SORCS2: variants seen among roughly 807,000 people sequenced by gnomAD.
The protein encoded by SORCS2 is VPS10 domain-containing receptor SorCS2.
In SORCS2, 100 loss-of-function variants were observed where a neutral mutation model predicts 141.6. That is an observed-to-expected ratio of 0.71 (90% CI 0.60 to 0.83). The LOEUF is 0.83. SORCS2 is among the 40% of genes least tolerant of loss of function. The pLI is 0.00. For synonymous variants in SORCS2, 789 were observed against 676.9 expected, an observed-to-expected ratio of 1.17 and a Z score of -2.57; for missense variants, 1,646 against 1,560.2, an observed-to-expected ratio of 1.05 and a Z score of -0.93.
At chr4:7,382,539 G>C (rs535631795) in intron 1 of SORCS2, among the ~76,000 whole-genome samples, 1 of 152,250 alleles carries the variant, frequency 6.6e-6, no homozygotes, top group East Asian at 1.9e-4. Context: ...CCATAGATTG[G>C]GTCCCAGACT....
chr4:7,290,490 A>G (rs1490881229), intron 1 of SORCS2, among the ~76,000 whole-genome samples: 1 of 152,042 alleles, frequency 6.6e-6, no homozygotes, highest in Admixed American at 6.5e-5. Flanking sequence ...TCCCTTCCCC[A>G]TGCTGCCAAC....
chr4:7,557,863 G>A (rs899750285), intron 3 of SORCS2, among the ~76,000 whole-genome samples: 8 of 152,154 alleles, frequency 5.3e-5, no homozygotes, highest in African/African-American at 1.7e-4. Flanking sequence ...CTGCACCCAC[G>A]TTCCAAATGA....
Position 7,255,161 on chromosome 4 carries a change from G to A in SORCS2, c.480+62035G>A, listed in dbSNP as rs570707524. On this transcript the variant is annotated intron_variant, in intron 1 of 26. Transcript: ENST00000507866. ...CCATTCACTCAGCAAGGCACTGAGC[G>A]GTCAGGTCAGGTTCCTGCCCTAGCG... 1.8e-3 allele frequency among the ~76,000 whole-genome samples: 269 copies of A among 152,028 alleles called. 1 individual carries two copies. Among genetic ancestry groups the A allele is most frequent in the African/African-American group, 6.0e-3 (249 of 41,482 alleles).
chr4:7,653,667 G>C (rs115809289), intron 4 of SORCS2, among the ~76,000 whole-genome samples: 2,532 of 152,274 alleles, frequency 0.017, 75 homozygotes, highest in African/African-American at 0.057. Context: ...GCTGGCCCTG[G>C]TGTCAGGCCC....
chr4:7,486,613 C>A (rs1449391770), intron 2 of SORCS2, among the ~76,000 whole-genome samples: 1 of 152,198 alleles, frequency 6.6e-6, no homozygotes, highest in Non-Finnish European at 1.5e-5. Flanking sequence ...CTGACTGCTT[C>A]AAACAGTAGA....
chr4:7,227,973 G>A (rs938130560), intron 1 of SORCS2, among the ~76,000 whole-genome samples: 9 of 152,208 alleles, frequency 5.9e-5, no homozygotes, highest in African/African-American at 2.2e-4. Flanking sequence ...GGCGGGAGCT[G>A]AGGATGACTG....
chr4:7,242,154 G>C (rs894169995), intron 1 of SORCS2, among the ~76,000 whole-genome samples: 3 of 152,164 alleles, frequency 2.0e-5, no homozygotes, highest in Non-Finnish European at 4.4e-5. Flanking sequence ...AAGCGGCTGC[G>C]TGAGAGTCAC....
intron 3 of SORCS2, among the ~76,000 whole-genome samples, chr4:7,582,031 G>T (rs1232739858): frequency 6.6e-6 from 1 of 151,880 alleles, no homozygotes; most frequent in African/African-American, 2.4e-5. Flanking sequence ...CATTTTAATG[G>T]CTTCAAAATA....
At chr4:7,658,957 G>A (rs946052945) in intron 5 of SORCS2, among the ~76,000 whole-genome samples, 4 of 152,246 alleles carry the variant, frequency 2.6e-5, no homozygotes, top group African/African-American at 7.2e-5. Flanking sequence ...ATACCAGGAA[G>A]TGACTTCCTC....
At position 7,715,324 on chromosome 4, in the gene SORCS2, G is replaced by A. The variant is rs1208983562; in HGVS notation, c.2252+13G>A. On this transcript the variant is annotated intron_variant, in intron 17 of 26. Coordinates refer to ENST00000507866, the MANE Select transcript of SORCS2 (RefSeq NM_020777.3). ...CCAGCAGCCTTGGGTGAGTGTGGGT[G>A]CGGGCCTCTCCCTGCCTAAATCCGG... The A allele has an allele frequency of 6.2e-7, 1 of 1,613,338 alleles. No homozygotes were observed.
intron 1 of SORCS2, among the ~76,000 whole-genome samples, chr4:7,383,462 G>T (rs566406714): frequency 2.0e-5 from 3 of 152,322 alleles, no homozygotes; most frequent in Admixed American, 1.3e-4. Context: ...TTTCTAAAGA[G>T]AAATTCTTGG....
At chr4:7,436,137 C>T (rs982331030) in intron 2 of SORCS2, among the ~76,000 whole-genome samples, 2 of 152,214 alleles carry the variant, frequency 1.3e-5, no homozygotes, top group Non-Finnish European at 2.9e-5. Context: ...ACTCTGGTTG[C>T]TGGGGACCAG....
In SORCS2 at chr4:7,470,225, C is replaced by T. The variant is rs7664716; in HGVS notation, c.549-61305C>T. On this transcript the variant is annotated intron_variant, in intron 2 of 26. Transcript: ENST00000507866. ...TCCATCCTCTCATCCTCCCATCCCT[C>T]GGTCCATCCACCCATCCATCCTCCC... Among the ~76,000 whole-genome samples, 920 of 151,532 alleles carry T rather than the reference C, an allele frequency of 6.1e-3. 10 individuals carry two copies. The highest frequency in any genetic ancestry group is 0.021 in the African/African-American group (847 of 41,266).
At chr4:7,346,062 C>T (rs1319611364) in intron 1 of SORCS2, among the ~76,000 whole-genome samples, 2 of 152,144 alleles carry the variant, frequency 1.3e-5, no homozygotes, top group Non-Finnish European at 2.9e-5. Flanking sequence ...TCATTTATTT[C>T]TGCTCTGATC....
chr4:7,675,999 G>A (rs918466140), intron 8 of SORCS2, 51 bp from the exon 9 acceptor site: 31 of 1,540,892 alleles, frequency 2.0e-5, no homozygotes, highest in African/African-American at 1.4e-4. Flanking sequence ...TTCCTCCCTC[G>A]TGCAGCCCCC....
In SORCS2 at chr4:7,647,067, C is replaced by A. The variant is rs905925083; in HGVS notation, c.814-7067C>A. ...TGTGGAGCTGGGAATGACGCTGTCCCGAAAAACAGGAGGTAGCCAGGGGAC... is the reference window on the plus strand; with the variant it reads ...TGTGGAGCTGGGAATGACGCTGTCCAGAAAAACAGGAGGTAGCCAGGGGAC... On this transcript the variant is annotated intron_variant, in intron 4 of 26. Transcript: ENST00000507866. Among the ~76,000 whole-genome samples, 3 of 152,050 alleles carry A rather than the reference C, an allele frequency of 2.0e-5. 1 individual carries two copies. The highest frequency in any genetic ancestry group is 4.2e-4 in the South Asian group (2 of 4,818).
In SORCS2 at chr4:7,383,460, G is replaced by A. The variant is rs1447422980; in HGVS notation, c.481-12828G>A. 3.9e-5 allele frequency among the ~76,000 whole-genome samples: 6 copies of A among 152,200 alleles called. No individual in the cohort carries two copies. The East Asian group carries it at 1.2e-3, about 29-fold the overall frequency. Reference sequence around the variant, plus strand: ...CAGACATGACAGCGTTGTTTCTAAAGAGAAATTCTTGGAGGTAATGAACAT... The same window carrying A: ...CAGACATGACAGCGTTGTTTCTAAAAAGAAATTCTTGGAGGTAATGAACAT... On this transcript the variant is annotated intron_variant, in intron 1 of 26. Coordinates refer to ENST00000507866, the MANE Select transcript of SORCS2 (RefSeq NM_020777.3).
At chr4:7,674,682 C>T (rs1035926474) in intron 8 of SORCS2, among the ~76,000 whole-genome samples, 1 of 151,798 alleles carries the variant, frequency 6.6e-6, no homozygotes, top group Non-Finnish European at 1.5e-5. Flanking sequence ...GGGAAGGGGC[C>T]GGGCCTCAGC....
chr4:7,244,363 C>A (rs913180057), intron 1 of SORCS2, among the ~76,000 whole-genome samples: 2 of 152,266 alleles, frequency 1.3e-5, no homozygotes, highest in African/African-American at 4.8e-5. Flanking sequence ...TTTCAGCGGC[C>A]TCCTATTCCC....
Sources: allele counts gnomAD v4.1 joint callset (sites outside exome capture counted in the v4.1 genomes callset), GRCh38; gene constraint gnomAD v4.1.1; transcripts MANE v1.5; gene names NCBI Gene and HGNC (gene_info 2026-07-23, HGNC 2026-07-21).